The following PNPLA7 variants were observed in gnomAD, a reference collection of about 807,000 sequenced individuals.
PNPLA7 encodes patatin-like phospholipase domain-containing protein 7.
Under a neutral mutation model 161.7 loss-of-function variants are expected in PNPLA7, and 153 were observed. That is an observed-to-expected ratio of 0.95 (90% CI 0.83 to 1.08). The LOEUF (loss-of-function observed/expected upper bound fraction) is 1.08. Ranked by LOEUF, PNPLA7 falls within the 50% of genes least tolerant of loss-of-function variation. The pLI is 0.00. For missense variants in PNPLA7, 1,739 were observed against 1,856.6 expected (o/e 0.94, Z 1.16); for synonymous variants, 809 against 782.1 (o/e 1.03, Z -0.57).
intron 8 of PNPLA7, among the ~76,000 whole-genome samples, chr9:137,525,709 C>T (rs1835266261): frequency 6.7e-6 from 1 of 149,502 alleles, no homozygotes. Flanking sequence ...CACAGCATCA[C>T]AGGGAGACGT....
Position 137,541,607 on chromosome 9 carries a change from G to A in PNPLA7, c.667-885C>T, listed in dbSNP as rs552801323. The A allele has an allele frequency of 4.1e-5, 22 of 541,744 alleles. No individual in the cohort carries two copies. In the East Asian group the frequency reaches 3.2e-3, roughly 79 times the overall value. 33.6% of individuals were successfully genotyped at this position (541,744 alleles called of 1,614,324 possible). A position where few individuals can be genotyped will look rare whatever the true frequency, so the allele number is the denominator to read the frequency against. On this transcript the variant is annotated intron_variant, in intron 7 of 34. Coordinates refer to ENST00000406427, the MANE Select transcript of PNPLA7 (RefSeq NM_001098537.3). The surrounding 1 kb of genome is among the most constrained non-coding windows in gnomAD (Gnocchi z 4.4). ...TTTAAATGAGAACAAGCAATGGGAA[G>A]TCTGGGTCGCAAACTGCCCAGACAG...
chr9:137,515,283 C>T (rs567254715), intron 12 of PNPLA7, 96 bp downstream of exon 12: 17 of 1,476,504 alleles, frequency 1.2e-5, no homozygotes, highest in East Asian at 5.0e-5. Context: ...GTGCCCGCCT[C>T]GGCGGCGATG....
intron 4 of PNPLA7, among the ~76,000 whole-genome samples, chr9:137,545,009 G>A (rs1836418769): frequency 6.6e-6 from 1 of 152,072 alleles, no homozygotes; most frequent in African/African-American, 2.4e-5. Flanking sequence ...AGGTAACAAA[G>A]ATTGCTTTAA....
At chr9:137,492,113 G>A in intron 20 of PNPLA7, 3 of 985,328 alleles carry the variant, frequency 3.0e-6, no homozygotes, top group South Asian at 9.4e-5. Flanking sequence ...TGTGGGACCT[G>A]GTGAGAGAGG....
At position 137,543,426 on chromosome 9, in the gene PNPLA7, T is replaced by C; in HGVS notation, c.506+6A>G. The C allele has an allele frequency of 6.2e-7, 1 of 1,613,936 alleles. No homozygotes were observed. The highest frequency in any genetic ancestry group is 8.5e-7 in the Non-Finnish European group (1 of 1,180,018). On this transcript the variant is annotated splice_donor_region_variant and intron_variant, in intron 6 of 34. Transcript: ENST00000406427. The surrounding 1 kb of genome is among the most constrained non-coding windows in gnomAD (Gnocchi z 6.9). ...CGCAGCCCCCGGGGCTCATCCCCGC[T>C]CTTACCGAACGTTTTTCAGCATGTA... is the stretch of plus-strand genomic sequence containing the variant.
chr9:137,543,852 C>T lies in PNPLA7; in HGVS notation c.274-37G>A, dbSNP rs1309839483. 1.3e-6 allele frequency: 2 copies of T among 1,560,888 alleles called. No individual in the cohort carries two copies. Among genetic ancestry groups the T allele is most frequent in the Admixed American group, 1.7e-5 (1 of 59,854 alleles). The stretch of plus-strand genomic sequence containing the variant: ...AGGGAGAGACCAGCCACTGACCCTG[C>T]AAGCCGCAAGGTCCAAGCTCTTTGC... On this transcript the variant is annotated intron_variant, in intron 4 of 34. Transcript: ENST00000406427. This position sits in a 1 kb window ranked among gnomAD's most constrained non-coding sequence, Gnocchi z 6.9.
intron 7 of PNPLA7, among the ~76,000 whole-genome samples, chr9:137,542,379 G>A (rs954965955): frequency 2.4e-4 from 36 of 152,302 alleles, no homozygotes; most frequent in African/African-American, 8.2e-4. Flanking sequence ...GCTGAGGCGG[G>A]AGGATCGCTT....
intron 30 of PNPLA7, 93 bp from the exon 31 acceptor site, chr9:137,462,424 C>T (rs939183375): frequency 1.1e-5 from 17 of 1,509,312 alleles, no homozygotes; most frequent in Middle Eastern, 2.1e-4. Context: ...GGGACCCATC[C>T]TCTGGGGTAG....
At chr9:137,485,935 G>A (rs955273826) in intron 20 of PNPLA7, among the ~76,000 whole-genome samples, 3 of 152,134 alleles carry the variant, frequency 2.0e-5, no homozygotes, top group Non-Finnish European at 2.9e-5. Flanking sequence ...GCCGTCTGGC[G>A]AGTGGCATCT....
chr9:137,503,952 G>A (rs887345527), intron 14 of PNPLA7, among the ~76,000 whole-genome samples: 2 of 79,060 alleles, frequency 2.5e-5, no homozygotes, highest in South Asian at 4.3e-4. Flanking sequence ...GAAGAATGAA[G>A]AAGAAGGAAG....
Position 137,543,296 on chromosome 9 carries a change from C to A in PNPLA7, c.506+136G>T. 2 of 1,126,062 alleles carry A rather than the reference C, an allele frequency of 1.8e-6. No individual in the cohort carries two copies. The highest frequency in any genetic ancestry group is 2.6e-6 in the Non-Finnish European group (2 of 775,430). The allele number at this position is 1,126,062 out of a possible 1,614,324, so 69.8% of individuals were successfully genotyped here. On this transcript the variant is annotated intron_variant, in intron 6 of 34. Transcript: ENST00000406427. This position sits in a 1 kb window ranked among gnomAD's most constrained non-coding sequence, Gnocchi z 6.9. The stretch of plus-strand genomic sequence containing the variant: ...GACCACGAGGCCCCGCCACGGGGCA[C>A]AGACACCAGCAGCCCCACGATGCGC...
chr9:137,516,876 A>C (rs1834603717), intron 11 of PNPLA7, among the ~76,000 whole-genome samples: 1 of 151,530 alleles, frequency 6.6e-6, no homozygotes, highest in South Asian at 2.1e-4. Flanking sequence ...TTCTGGGAAA[A>C]AGCACATCAG....
At position 137,499,021 on chromosome 9, in the gene PNPLA7, G is replaced by A. The variant is rs964330119; in HGVS notation, c.1758-776C>T. On this transcript the variant is annotated intron_variant, in intron 16 of 34. Coordinates refer to ENST00000406427, the MANE Select transcript of PNPLA7 (RefSeq NM_001098537.3). This position sits in a 1 kb window ranked among gnomAD's most constrained non-coding sequence, Gnocchi z 5.5. ...GTGGCTGGGTGAGGGCGTGAAGGGC[G>A]TGAGCGTGGCACTTAGAGCCCTGGG... Among the ~76,000 whole-genome samples the A allele has an allele frequency of 2.6e-5, 4 of 152,254 alleles. No individual in the cohort carries two copies. Among genetic ancestry groups the A allele is most frequent in the East Asian group, 1.9e-4 (1 of 5,178 alleles).
chr9:137,542,460 G>A (rs948548128), intron 7 of PNPLA7, among the ~76,000 whole-genome samples, 182 bp downstream of exon 7: 1 of 152,122 alleles, frequency 6.6e-6, no homozygotes, highest in African/African-American at 2.4e-5. Context: ...GACAGAGTGA[G>A]ACCCTGTTTC....
rs751316497 is a variant in PNPLA7, at chr9:137,543,432, C to T, written c.506G>A (p.Arg169Gln). Reference protein sequence around the residue: ...SEVLYMLKNVRVLGHFEKPLF... With the variant: ...SEVLYMLKNVQVLGHFEKPLF... The stretch of plus-strand genomic sequence containing the variant: ...CCCCGGGGCTCATCCCCGCTCTTAC[C>T]GAACGTTTTTCAGCATGTACAGAAC... Residue 169 changes from arginine to glutamine, a missense_variant and splice_region_variant, in exon 6 of 35, where the codon CGG (arginine) becomes CAG (glutamine). By Grantham distance (43) the Arg-to-Gln change is conservative. Coordinates refer to ENST00000406427, the MANE Select transcript of PNPLA7 (RefSeq NM_001098537.3). The surrounding 1 kb of genome is among the most constrained non-coding windows in gnomAD (Gnocchi z 6.9). 1.4e-5 allele frequency: 23 copies of T among 1,613,916 alleles called. No homozygotes were observed. Among genetic ancestry groups the T allele is most frequent in the African/African-American group, 4.0e-5 (3 of 74,932 alleles).
intron 31 of PNPLA7, 43 bp from the exon 32 acceptor site, chr9:137,462,084 C>T: frequency 6.5e-7 from 1 of 1,528,998 alleles, no homozygotes; most frequent in Non-Finnish European, 8.8e-7. Flanking sequence ...GTGGGGAGCC[C>T]CCCACTTCCT....
At position 137,525,106 on chromosome 9, in the gene PNPLA7, T is replaced by C. The variant is rs1227056496; in HGVS notation, c.748-2249A>G. On this transcript the variant is annotated intron_variant, in intron 8 of 34. Transcript: ENST00000406427. ...CTGGCCATGCAGGGAAGACCAAGCATGTGACTAGATCCAGGGGTGTCAGCC... is the reference window on the plus strand; with the variant it reads ...CTGGCCATGCAGGGAAGACCAAGCACGTGACTAGATCCAGGGGTGTCAGCC... Among the ~76,000 whole-genome samples the C allele has an allele frequency of 5.3e-5, 8 of 152,146 alleles. No individual in the cohort carries two copies. The East Asian group carries it at 5.8e-4, about 11-fold the overall frequency.
chr9:137,493,968 C>G (rs951818635), intron 19 of PNPLA7, among the ~76,000 whole-genome samples: 92 of 152,272 alleles, frequency 6.0e-4, no homozygotes, highest in African/African-American at 2.2e-3. Context: ...GAACCATGGC[C>G]CAAGAGCTTT....
rs1300491293 is a variant in PNPLA7, at chr9:137,476,403, T to C, written c.2882+1631A>G. Among the ~76,000 whole-genome samples, 2 of 151,646 alleles carry C rather than the reference T, an allele frequency of 1.3e-5. No homozygotes were observed. Among genetic ancestry groups the C allele is most frequent in the Non-Finnish European group, 2.9e-5 (2 of 67,922 alleles). On this transcript the variant is annotated intron_variant, in intron 25 of 34. Transcript: ENST00000406427. This position sits in a 1 kb window ranked among gnomAD's most constrained non-coding sequence, Gnocchi z 4.5. ...AACTAGTGATGGGACCACACTGGGATTGAGTGGAAAGGAGGGAGACAGATG... is the reference window on the plus strand; with the variant it reads ...AACTAGTGATGGGACCACACTGGGACTGAGTGGAAAGGAGGGAGACAGATG...
Sources: gnomAD v4.1 joint callset for allele counts (sites outside exome capture counted in the v4.1 genomes callset) on GRCh38, gnomAD v4.1.1 for gene constraint, Gnocchi (gnomAD v3.1) non-coding constraint, MANE v1.5 for transcripts, NCBI Gene and HGNC (gene_info 2026-07-23, HGNC 2026-07-21) for gene names.